The following LMX1B variants were observed in gnomAD, a reference collection of about 807,000 sequenced individuals.
LMX1B encodes LIM homeobox transcription factor 1-beta.
A neutral mutation model predicts 51.4 loss-of-function variants in LMX1B; 12 were observed. The observed-to-expected ratio is 0.23, with a 90% CI of 0.15 to 0.38. LMX1B has a LOEUF of 0.38. Ranked by LOEUF, LMX1B falls within the 10% of genes least tolerant of loss-of-function variation. The probability of loss-of-function intolerance (pLI) is 1.00; values close to 1 mark genes in which losing one functional copy is unlikely to be tolerated. For missense variants in LMX1B, 445 were observed against 571.1 expected (o/e 0.78, Z 2.25); for synonymous variants, 237 against 235.4 (o/e 1.01, Z -0.06).
In LMX1B at chr9:126,618,939, CCGGGCCGCGCTCCT is replaced by C. The variant is rs1394873492; in HGVS notation, c.326+3371_326+3384del. On this transcript the variant is annotated intron_variant, in intron 2 of 7. Transcript: ENST00000373474. The surrounding 1 kb of genome is among the most constrained non-coding windows in gnomAD (Gnocchi z 4.5). ...GCACGGCGAGACGCGGGGTTCCGGC[CCGGGCCGCGCTCCT>C]ACCTCGGCGGCGGGGCCGCGGCGTC... Among the ~76,000 whole-genome samples, 1 of 151,924 alleles carries C rather than the reference CCGGGCCGCGCTCCT, an allele frequency of 6.6e-6. No individual in the cohort carries two copies. Among genetic ancestry groups the C allele is most frequent in the Non-Finnish European group, 1.5e-5 (1 of 67,934 alleles).
intron 2 of LMX1B, among the ~76,000 whole-genome samples, chr9:126,669,026 G>A (rs904576461): frequency 6.6e-6 from 1 of 152,268 alleles, no homozygotes; most frequent in African/African-American, 2.4e-5. Context: ...AAATGGACAC[G>A]GAAGCAGCAG....
At chr9:126,627,545 TC>T (rs1410433884) in intron 2 of LMX1B, among the ~76,000 whole-genome samples, 1 of 151,808 alleles carries the variant, frequency 6.6e-6, no homozygotes, top group Non-Finnish European at 1.5e-5. Context: ...GAGGGGCTCT[TC>T]CCCCACCAGC....
chr9:126,663,866 G>A (rs1836290056), intron 2 of LMX1B, among the ~76,000 whole-genome samples: 1 of 152,192 alleles, frequency 6.6e-6, no homozygotes, highest in South Asian at 2.1e-4. Context: ...CACCCATGGG[G>A]CGGGGCAGCA....
At chr9:126,647,144 G>A (rs1311778251) in intron 2 of LMX1B, among the ~76,000 whole-genome samples, 3 of 151,982 alleles carry the variant, frequency 2.0e-5, no homozygotes, top group Non-Finnish European at 2.9e-5. Context: ...CAAGTCTGCA[G>A]TGTGCTATGA....
intron 2 of LMX1B, among the ~76,000 whole-genome samples, chr9:126,630,010 A>G (rs1475060046): frequency 1.3e-5 from 2 of 152,028 alleles, no homozygotes; most frequent in Non-Finnish European, 2.9e-5. Flanking sequence ...GCTGGGCGTC[A>G]TGGCAGGCAC....
chr9:126,672,768 G>C (rs997067077), intron 2 of LMX1B, among the ~76,000 whole-genome samples: 1 of 152,172 alleles, frequency 6.6e-6, no homozygotes, highest in South Asian at 2.1e-4. Context: ...GGAGGGGGGC[G>C]CACACAGCCC....
At chr9:126,684,998 C>T (rs1334134937) in intron 2 of LMX1B, among the ~76,000 whole-genome samples, 1 of 152,196 alleles carries the variant, frequency 6.6e-6, no homozygotes, top group Non-Finnish European at 1.5e-5. Context: ...TTTAGTTTCA[C>T]ACATGGTTGT....
At chr9:126,649,043 A>G (rs565242388) in intron 2 of LMX1B, among the ~76,000 whole-genome samples, 2 of 152,042 alleles carry the variant, frequency 1.3e-5, no homozygotes, top group South Asian at 2.1e-4. Context: ...GGCACCTACC[A>G]TCTTCCCAGG....
intron 2 of LMX1B, among the ~76,000 whole-genome samples, chr9:126,623,187 TTTA>T (rs1250244242): frequency 1.3e-5 from 2 of 152,156 alleles, no homozygotes; most frequent in Non-Finnish European, 2.9e-5. Flanking sequence ...AGCCTGTGTT[TTTA>T]TTTTTATTTT....
chr9:126,692,787 C>A (rs2030178177), intron 3 of LMX1B, among the ~76,000 whole-genome samples: 1 of 152,278 alleles, frequency 6.6e-6, no homozygotes, highest in Admixed American at 6.5e-5. Flanking sequence ...GGCCTGCCTT[C>A]CTGAAAGTGT....
chr9:126,616,105 A>T (rs10987372), intron 2 of LMX1B, among the ~76,000 whole-genome samples: 15,727 of 152,176 alleles, frequency 0.1, 1,360 homozygotes, highest in East Asian at 0.44. Context: ...AGAGAAAAGA[A>T]TGTCCATATT....
At chr9:126,685,334 G>A (rs539606068) in intron 2 of LMX1B, among the ~76,000 whole-genome samples, 1 of 152,288 alleles carries the variant, frequency 6.6e-6, no homozygotes, top group African/African-American at 2.4e-5. Flanking sequence ...GTCACGGGGT[G>A]GGTGGGGCCT....
At chr9:126,644,284 T>C (rs1276981309) in intron 2 of LMX1B, among the ~76,000 whole-genome samples, 1 of 152,068 alleles carries the variant, frequency 6.6e-6, no homozygotes, top group African/African-American at 2.4e-5. Flanking sequence ...ATCCATAAAG[T>C]GCGAGTTTGG....
chr9:126,696,482 G>A lies in LMX1B; in HGVS notation c.*31G>A, dbSNP rs2030342181. ...AGCCAGGCGCACGGACGCTTGGGCA[G>A]GGGCCTGGGGGGGACTGCCAGCCTC... On this transcript the variant is annotated 3_prime_UTR_variant, in exon 8 of 8. Coordinates refer to ENST00000373474, the MANE Select transcript of LMX1B (RefSeq NM_001174147.2). 8 of 1,612,776 alleles carry A rather than the reference G, an allele frequency of 5.0e-6. No homozygotes were observed. The East Asian group carries it at 1.6e-4, about 31-fold the overall frequency.
rs149111178 is a variant in LMX1B, at chr9:126,696,095, C to T, written c.1051+92C>T. ...CTGGGGCCAGGACAGCCACCTGCTG[C>T]CCTAGGGCTCAGGCAGCATGGCCAG... On this transcript the variant is annotated intron_variant, in intron 7 of 7. Coordinates refer to ENST00000373474, the MANE Select transcript of LMX1B (RefSeq NM_001174147.2). 12 of 1,289,314 alleles carry T rather than the reference C, an allele frequency of 9.3e-6. No individual in the cohort carries two copies. In the African/African-American group the frequency reaches 1.5e-4, roughly 16 times the overall value. 79.9% of individuals were successfully genotyped at this position (1,289,314 alleles called of 1,614,324 possible).
chr9:126,686,212 G>A (rs951787553), intron 2 of LMX1B, among the ~76,000 whole-genome samples: 5 of 149,926 alleles, frequency 3.3e-5, no homozygotes, highest in African/African-American at 9.9e-5. Context: ...CCCAGGAGGC[G>A]GAGCTTGCAG....
intron 2 of LMX1B, among the ~76,000 whole-genome samples, chr9:126,657,256 C>T (rs991560415): frequency 1.3e-5 from 2 of 152,174 alleles, no homozygotes; most frequent in Non-Finnish European, 2.9e-5. Context: ...GAACATAAGA[C>T]TGTCTGATGG....
At chr9:126,640,344 G>A (rs762662841) in intron 2 of LMX1B, among the ~76,000 whole-genome samples, 5 of 152,172 alleles carry the variant, frequency 3.3e-5, no homozygotes, top group Non-Finnish European at 7.3e-5. Context: ...CTTGGTATGG[G>A]ACCCCTCCAA....
At chr9:126,624,795 CT>C (rs1835488240) in intron 2 of LMX1B, among the ~76,000 whole-genome samples, 1 of 151,970 alleles carries the variant, frequency 6.6e-6, no homozygotes, top group Admixed American at 6.6e-5. Flanking sequence ...TACAAAAACC[CT>C]AAACCCCGTT....
Sources: allele counts gnomAD v4.1 joint callset (sites outside exome capture counted in the v4.1 genomes callset), GRCh38; gene constraint gnomAD v4.1.1; non-coding constraint Gnocchi (gnomAD v3.1); transcripts MANE v1.5; gene names NCBI Gene and HGNC (gene_info 2026-07-23, HGNC 2026-07-21).